Variants in GPHN observed in about 807,000 individuals in gnomAD.
GPHN encodes the protein gephyrin.
Under a neutral mutation model 95.5 loss-of-function variants are expected in GPHN, and 17 were observed. The ratio of observed to expected loss-of-function variants is 0.18; its 90% CI spans 0.12 to 0.27. The LOEUF is 0.27. GPHN is among the 10% of genes least tolerant of loss of function. GPHN has a pLI of 1.00. For missense variants in GPHN, 660 were observed against 978.1 expected (o/e 0.67, Z 4.34); for synonymous variants, 320 against 322.5 (o/e 0.99, Z 0.08).
At chr14:66,848,420 A>G (rs2062427814) in intron 4 of GPHN, among the ~76,000 whole-genome samples, 2 of 152,114 alleles carry the variant, frequency 1.3e-5, no homozygotes, top group Non-Finnish European at 1.5e-5. Context: ...TGTCAGAGGG[A>G]TAAAATATGA....
At chr14:66,697,527 G>T (rs2068181927) in intron 2 of GPHN, among the ~76,000 whole-genome samples, 1 of 152,090 alleles carries the variant, frequency 6.6e-6, no homozygotes. Flanking sequence ...GGAGATACTG[G>T]TGTAGTGTTT....
At chr14:67,475,206 T>C in the GPHN span, among the ~76,000 whole-genome samples, 1 of 152,210 alleles carries the variant, frequency 6.6e-6, no homozygotes, top group Non-Finnish European at 1.5e-5. Flanking sequence ...TGAGCCACTG[T>C]GCCCAGCCAG....
chr14:66,827,265 C>T (rs1185510685), intron 4 of GPHN, among the ~76,000 whole-genome samples: 2 of 150,928 alleles, frequency 1.3e-5, no homozygotes, highest in Non-Finnish European at 2.9e-5. Context: ...GCCTGGGTGA[C>T]AGAGGGAGAC....
At chr14:66,705,253 C>T (rs10145339) in intron 2 of GPHN, among the ~76,000 whole-genome samples, 18,702 of 150,632 alleles carry the variant, frequency 0.12, no homozygotes, top group East Asian at 0.34. Flanking sequence ...GGAGATGGTA[C>T]CATTCCTTCT....
At chr14:66,686,507 T>A (rs201366115) in intron 2 of GPHN, among the ~76,000 whole-genome samples, 3 of 152,176 alleles carry the variant, frequency 2.0e-5, no homozygotes, top group South Asian at 2.1e-4. Context: ...ATTCTCTTTG[T>A]AGCAATTGTG....
In GPHN at chr14:66,508,454, C is replaced by G; in HGVS notation, c.-74C>G. The G allele has an allele frequency of 7.2e-7, 1 of 1,380,494 alleles. No individual in the cohort carries two copies. The highest frequency in any genetic ancestry group is 1.0e-6 in the Non-Finnish European group (1 of 967,600). The allele number at this position is 1,380,494 out of a possible 1,614,324, so 85.5% of individuals were successfully genotyped here. ...TAGCTGTCGCGCTCTCCTCGGCGAG[C>G]GCGCTCCCGGCCCGCGCGCTCCGGG... On this transcript the variant is annotated 5_prime_UTR_variant, in exon 1 of 23. Coordinates refer to ENST00000478722, the MANE Select transcript of GPHN (RefSeq NM_020806.5).
the GPHN span, among the ~76,000 whole-genome samples, chr14:67,259,625 A>ATGCT: frequency 6.6e-6 from 1 of 152,048 alleles, no homozygotes; most frequent in East Asian, 1.9e-4. Flanking sequence ...AAATACATGA[A>ATGCT]TGCTTGCATG....
chr14:67,180,524 A>G (rs1044622720), intron 22 of GPHN, among the ~76,000 whole-genome samples: 13 of 152,198 alleles, frequency 8.5e-5, no homozygotes, highest in Non-Finnish European at 1.5e-5. Flanking sequence ...ATAACATTTC[A>G]GCCTGAATTG....
chr14:67,188,577 G>A, the GPHN span, among the ~76,000 whole-genome samples: 4 of 152,162 alleles, frequency 2.6e-5, no homozygotes, highest in Admixed American at 2.6e-4. Flanking sequence ...GGGACTATAG[G>A]TATGACCAGA....
At position 66,508,481 on chromosome 14, in the gene GPHN, T is replaced by TCCGGTTTCTC; in HGVS notation, c.-42_-33dup. 2 of 1,589,076 alleles carry TCCGGTTTCTC rather than the reference T, an allele frequency of 1.3e-6. No homozygotes were observed. The highest frequency in any genetic ancestry group is 1.7e-6 in the Non-Finnish European group (2 of 1,157,316). ...CGCTCCCGGCCCGCGCGCTCCGGGC[T>TCCGGTTTCTC]CCGGTTTCTCCCGGCTCCTGTCAGT... On this transcript the variant is annotated 5_prime_UTR_variant, in exon 1 of 23. Transcript: ENST00000478722.
At chr14:67,372,406 C>T in the GPHN span, among the ~76,000 whole-genome samples, 2 of 152,068 alleles carry the variant, frequency 1.3e-5, no homozygotes, top group African/African-American at 4.8e-5. Flanking sequence ...ACACTAAAAG[C>T]GTTATCCATG....
At chr14:67,432,157 G>A in the GPHN span, among the ~76,000 whole-genome samples, 5 of 152,154 alleles carry the variant, frequency 3.3e-5, no homozygotes, top group South Asian at 4.1e-4. Context: ...AAATTATCTC[G>A]TCGGATCCCA....
chr14:67,544,715 GTTT>G, the GPHN span, among the ~76,000 whole-genome samples: 2 of 152,202 alleles, frequency 1.3e-5, no homozygotes, highest in Non-Finnish European at 2.9e-5. Context: ...AAGTGAAAGT[GTTT>G]TTATTGAAAT....
the GPHN span, among the ~76,000 whole-genome samples, chr14:67,509,673 A>G: frequency 6.6e-6 from 1 of 152,024 alleles, no homozygotes; most frequent in African/African-American, 2.4e-5. Flanking sequence ...CCTCTCCCCA[A>G]CATTTGGTCT....
the GPHN span, chr14:67,729,327 C>T: frequency 5.6e-6 from 9 of 1,599,524 alleles, no homozygotes; most frequent in African/African-American, 1.3e-5. Flanking sequence ...CGCAGACCAG[C>T]CTGCACTGCG....
chr14:66,922,752 T>G lies in GPHN; in HGVS notation c.543T>G (p.Asp181Glu), dbSNP rs990423200. The change falls in exon 7 of 23, where the codon GAT (aspartate) becomes GAG (glutamate). Residue 181 changes from aspartate to glutamate, a missense_variant. Asp to Glu is a conservative substitution (Grantham distance 45). Transcript: ENST00000478722. ...TTGTAAAAGTAAAGGAGGTGCATGA[T>G]GAACTTGAAGATTTGCCTTCCCCAC... Reference protein sequence around the residue: ...DAIVKVKEVHDELEDLPSPPP... With the variant: ...DAIVKVKEVHEELEDLPSPPP... 5 of 1,613,652 alleles carry G rather than the reference T, an allele frequency of 3.1e-6. No individual in the cohort carries two copies. The Admixed American group carries it at 6.7e-5, about 22-fold the overall frequency.
chr14:67,654,795 T>C, the GPHN span, among the ~76,000 whole-genome samples: 4 of 151,978 alleles, frequency 2.6e-5, no homozygotes, highest in African/African-American at 9.6e-5. Context: ...TTTGGGAGGC[T>C]GAGGCGGGCA....
the GPHN span, chr14:67,646,738 AG>A: frequency 6.2e-7 from 1 of 1,608,248 alleles, no homozygotes; most frequent in South Asian, 1.1e-5. Context: ...CCTCCTGAAC[AG>A]TAAGTTGATG....
the GPHN span, among the ~76,000 whole-genome samples, chr14:67,187,287 C>CA: frequency 2.0e-5 from 3 of 152,232 alleles, 1 homozygote; most frequent in Non-Finnish European, 4.4e-5. Context: ...ACAAGCACCT[C>CA]ATTCTTTCTG....
Sources: allele counts gnomAD v4.1 joint callset (sites outside exome capture counted in the v4.1 genomes callset), GRCh38; gene constraint gnomAD v4.1.1; transcripts MANE v1.5; gene names NCBI Gene and HGNC (gene_info 2026-07-23, HGNC 2026-07-21).